SLC4A10: variants seen among roughly 807,000 people sequenced by gnomAD.
SLC4A10 encodes solute carrier family 4 member 10, also known as sodium-driven chloride bicarbonate exchanger.
Under a neutral mutation model 137.7 loss-of-function variants are expected in SLC4A10, and 42 were observed. That is an observed-to-expected ratio of 0.30 (90% CI 0.24 to 0.39). The LOEUF is 0.39. Ranked by LOEUF, SLC4A10 falls within the 10% of genes least tolerant of loss-of-function variation. The pLI is 1.00. For missense variants in SLC4A10, 925 were observed against 1,355.0 expected (o/e 0.68, Z 4.98); for synonymous variants, 474 against 464.1 (o/e 1.02, Z -0.27).
intron 1 of SLC4A10, among the ~76,000 whole-genome samples, chr2:161,657,480 TATTTTATAC>T (rs1421748180): frequency 1.3e-5 from 2 of 152,182 alleles, no homozygotes; most frequent in Admixed American, 1.3e-4. Flanking sequence ...CTACTCTTCA[TATTTTATAC>T]ACTTACCTTT....
intron 15 of SLC4A10, among the ~76,000 whole-genome samples, chr2:161,907,539 A>G (rs372224034): frequency 1.3e-3 from 194 of 152,342 alleles, no homozygotes; most frequent in African/African-American, 4.4e-3. Flanking sequence ...GAATGTAGAT[A>G]AACAGACAGC....
intron 15 of SLC4A10, among the ~76,000 whole-genome samples, chr2:161,918,898 T>C (rs953212753): frequency 1.6e-4 from 25 of 152,124 alleles, no homozygotes; most frequent in African/African-American, 1.9e-4. Flanking sequence ...GTTGGTGGGG[T>C]GGGAGCCCTG....
intron 1 of SLC4A10, among the ~76,000 whole-genome samples, chr2:161,697,381 A>G (rs921838119): frequency 6.6e-6 from 1 of 152,120 alleles, no homozygotes. Flanking sequence ...GTCCTTGCCC[A>G]TGCCTATGTC....
intron 3 of SLC4A10, among the ~76,000 whole-genome samples, chr2:161,823,127 A>T (rs1466330177): frequency 6.6e-6 from 1 of 152,078 alleles, no homozygotes; most frequent in Non-Finnish European, 1.5e-5. Flanking sequence ...AGTCTATTGT[A>T]TCACATACTA....
chr2:161,670,909 T>C (rs897761235), intron 1 of SLC4A10, among the ~76,000 whole-genome samples: 2 of 152,126 alleles, frequency 1.3e-5, no homozygotes, highest in Admixed American at 1.3e-4. Flanking sequence ...TAAGAGACTA[T>C]TGTGTTCATC....
intron 10 of SLC4A10, among the ~76,000 whole-genome samples, chr2:161,885,629 G>A (rs1199260887): frequency 6.6e-6 from 1 of 152,082 alleles, no homozygotes; most frequent in Non-Finnish European, 1.5e-5. Context: ...GTTGAGCTTT[G>A]CTAGAGATAA....
chr2:161,904,724 C>A, intron 13 of SLC4A10, 52 bp from the exon 14 acceptor site: 1 of 1,598,114 alleles, frequency 6.3e-7, no homozygotes, highest in Non-Finnish European at 8.5e-7. Context: ...TCCTTAGCTA[C>A]AATGGCCTCC....
intron 23 of SLC4A10, 21 bp from the exon 24 acceptor site, chr2:161,974,228 A>C (rs777981739): frequency 8.2e-6 from 13 of 1,582,806 alleles, no homozygotes; most frequent in Non-Finnish European, 1.0e-5. Context: ...CACTTTATAT[A>C]CTTTACATTT....
chr2:161,765,508 G>A (rs1254991043), intron 1 of SLC4A10, among the ~76,000 whole-genome samples: 3 of 151,762 alleles, frequency 2.0e-5, no homozygotes, highest in African/African-American at 4.8e-5. Flanking sequence ...TCAGGAGGCT[G>A]AGGCAGGAGA....
intron 1 of SLC4A10, among the ~76,000 whole-genome samples, chr2:161,724,902 C>A (rs1163167808): frequency 1.3e-5 from 2 of 152,074 alleles, no homozygotes; most frequent in African/African-American, 2.4e-5. Flanking sequence ...GTTGAAGCAC[C>A]ATATATGCAT....
chr2:161,852,659 G>T (rs2059895549), intron 4 of SLC4A10, among the ~76,000 whole-genome samples: 1 of 152,136 alleles, frequency 6.6e-6, no homozygotes. Context: ...AGTTGTTTCT[G>T]CTATAAGCAT....
intron 1 of SLC4A10, among the ~76,000 whole-genome samples, chr2:161,686,336 A>C (rs1459170692): frequency 6.6e-6 from 1 of 152,202 alleles, no homozygotes; most frequent in Non-Finnish European, 1.5e-5. Context: ...ATGGTAATAA[A>C]AATTATAAAT....
intron 16 of SLC4A10, among the ~76,000 whole-genome samples, chr2:161,946,713 C>G (rs1317263499): frequency 6.6e-6 from 1 of 151,842 alleles, no homozygotes; most frequent in Admixed American, 6.6e-5. Flanking sequence ...ATTTTTTTGA[C>G]TTTGCTGCCA....
At chr2:161,655,962 T>C (rs1437088028) in intron 1 of SLC4A10, among the ~76,000 whole-genome samples, 3 of 151,782 alleles carry the variant, frequency 2.0e-5, no homozygotes, top group African/African-American at 4.8e-5. Flanking sequence ...TACAGGCGTG[T>C]GCTACCATGC....
At chr2:161,754,076 G>C (rs1449543873) in intron 1 of SLC4A10, among the ~76,000 whole-genome samples, 2 of 151,746 alleles carry the variant, frequency 1.3e-5, no homozygotes, top group Non-Finnish European at 2.9e-5. Context: ...ATTTTTAGTA[G>C]AGTGTGAGTT....
chr2:161,816,147 G>T (rs560281579), intron 3 of SLC4A10, among the ~76,000 whole-genome samples: 80 of 152,202 alleles, frequency 5.3e-4, no homozygotes, highest in African/African-American at 1.8e-3. Flanking sequence ...TTGATATTCT[G>T]CATAGTGAGA....
At chr2:161,947,858 A>T in intron 17 of SLC4A10, 131 bp downstream of exon 17, 1 of 993,570 alleles carries the variant, frequency 1.0e-6, no homozygotes, top group East Asian at 2.5e-5. Context: ...GAGTGAGATG[A>T]GGGGCTGAAG....
intron 1 of SLC4A10, among the ~76,000 whole-genome samples, chr2:161,749,706 T>A (rs1452136037): frequency 6.6e-6 from 1 of 151,940 alleles, no homozygotes; most frequent in Non-Finnish European, 1.5e-5. Context: ...TCCAAGATAG[T>A]GGCCTGTAGT....
rs556219667 is a variant in SLC4A10 at position 161,811,746 on chromosome 2, C to A, written c.277+7151C>A. Reference sequence around the variant, plus strand: ...TCCTGTTAAAAAGTTATAGCTGAAACCTTTCTTCCTATTAAACGGTTAAAA... The same window carrying A: ...TCCTGTTAAAAAGTTATAGCTGAAAACTTTCTTCCTATTAAACGGTTAAAA... On this transcript the variant is annotated intron_variant, in intron 3 of 26. Coordinates refer to ENST00000446997, the MANE Select transcript of SLC4A10 (RefSeq NM_001178015.2). Among the ~76,000 whole-genome samples the A allele has an allele frequency of 4.2e-4, 64 of 152,070 alleles. 1 individual carries two copies. Among genetic ancestry groups the A allele is most frequent in the African/African-American group, 1.4e-3 (57 of 41,530 alleles).
Sources: gnomAD v4.1 joint callset for allele counts (sites outside exome capture counted in the v4.1 genomes callset) on GRCh38, gnomAD v4.1.1 for gene constraint, MANE v1.5 for transcripts, NCBI Gene and HGNC (gene_info 2026-07-23, HGNC 2026-07-21) for gene names.